The following NYAP2 variants were observed in gnomAD, a reference collection of about 807,000 sequenced individuals.
NYAP2 encodes neuronal tyrosine-phosphorylated phosphoinositide-3-kinase adaptor 2.
In NYAP2, 23 loss-of-function variants were observed where a neutral mutation model predicts 50.4. The ratio of observed to expected loss-of-function variants is 0.46; its 90% CI spans 0.33 to 0.65. The LOEUF is 0.65. Among genes scored for constraint, NYAP2 ranks in the 30% least tolerant of loss-of-function variants. NYAP2 has a pLI of 0.02. For missense variants in NYAP2, 885 were observed against 861.0 expected, an observed-to-expected ratio of 1.03 and a Z score of -0.35; for synonymous variants, 394 against 365.2, an observed-to-expected ratio of 1.08 and a Z score of -0.90.
intron 3 of NYAP2, among the ~76,000 whole-genome samples, chr2:225,499,008 G>A (rs192673457): frequency 6.6e-5 from 10 of 152,240 alleles, no homozygotes; most frequent in Admixed American, 4.6e-4. Context: ...AAATCACGTG[G>A]ACAGGATAGC....
At chr2:225,441,975 A>G (rs1275421771) in intron 3 of NYAP2, among the ~76,000 whole-genome samples, 2 of 152,202 alleles carry the variant, frequency 1.3e-5, no homozygotes, top group East Asian at 3.8e-4. Context: ...TACTATCATC[A>G]TCACCATCCT....
At chr2:225,649,205 G>A (rs1693689876) in intron 6 of NYAP2, among the ~76,000 whole-genome samples, 1 of 152,140 alleles carries the variant, frequency 6.6e-6, no homozygotes, top group Admixed American at 6.5e-5. Flanking sequence ...CAGTTTATCT[G>A]TTTACTTAGC....
At chr2:225,679,014 T>C in the NYAP2 span, among the ~76,000 whole-genome samples, 1 of 152,122 alleles carries the variant, frequency 6.6e-6, no homozygotes, top group Non-Finnish European at 1.5e-5. Context: ...TGTTCAATCC[T>C]CAAAGGACAA....
intron 3 of NYAP2, among the ~76,000 whole-genome samples, chr2:225,478,779 A>G (rs755557691): frequency 1.1e-4 from 17 of 152,240 alleles, no homozygotes; most frequent in African/African-American, 9.6e-5. Flanking sequence ...AGGGTGGTGA[A>G]GAAAAGCAGG....
At chr2:225,406,978 T>C (rs1016262771) in intron 2 of NYAP2, among the ~76,000 whole-genome samples, 1 of 152,038 alleles carries the variant, frequency 6.6e-6, no homozygotes, top group Non-Finnish European at 1.5e-5. Flanking sequence ...TTGGGAAATA[T>C]ACAATTTTGC....
chr2:225,631,215 C>T (rs1693308271), intron 6 of NYAP2, among the ~76,000 whole-genome samples: 1 of 152,186 alleles, frequency 6.6e-6, no homozygotes, highest in Non-Finnish European at 1.5e-5. Flanking sequence ...AGTGTCTTTA[C>T]ACTTTGATAT....
intron 6 of NYAP2, among the ~76,000 whole-genome samples, chr2:225,629,606 C>G (rs1323269214): frequency 6.6e-6 from 1 of 152,134 alleles, no homozygotes; most frequent in Admixed American, 6.5e-5. Context: ...CTGAGAAGTT[C>G]AAGAAGCATG....
chr2:225,508,103 A>G (rs1690743432), intron 3 of NYAP2, among the ~76,000 whole-genome samples: 1 of 152,252 alleles, frequency 6.6e-6, no homozygotes, highest in African/African-American at 2.4e-5. Flanking sequence ...ACAGACAAGT[A>G]GATCTCACAA....
chr2:225,539,072 A>G (rs1691409883), intron 4 of NYAP2, among the ~76,000 whole-genome samples: 3 of 151,884 alleles, frequency 2.0e-5, no homozygotes, highest in Non-Finnish European at 2.9e-5. Flanking sequence ...TTCAATTCCC[A>G]CTTATGAGTG....
intron 4 of NYAP2, among the ~76,000 whole-genome samples, chr2:225,557,847 T>A (rs984557505): frequency 3.9e-5 from 6 of 152,326 alleles, no homozygotes; most frequent in African/African-American, 1.4e-4. Context: ...ATGTGCCCAG[T>A]TATTTTAAAG....
the NYAP2 span, among the ~76,000 whole-genome samples, chr2:225,681,400 TGAC>T: frequency 6.6e-6 from 1 of 152,198 alleles, no homozygotes; most frequent in African/African-American, 2.4e-5. Context: ...GCATAAATCC[TGAC>T]AACAGCAATG....
At chr2:225,448,432 C>A (rs964410654) in intron 3 of NYAP2, among the ~76,000 whole-genome samples, 5 of 152,178 alleles carry the variant, frequency 3.3e-5, no homozygotes, top group African/African-American at 1.2e-4. Flanking sequence ...ATTATTGAAG[C>A]AGCTACCTCT....
intron 4 of NYAP2, among the ~76,000 whole-genome samples, chr2:225,567,678 G>C (rs1409658872): frequency 3.9e-5 from 6 of 152,036 alleles, no homozygotes; most frequent in African/African-American, 1.4e-4. Flanking sequence ...GTTTGAGCTG[G>C]ACCTGAAAGG....
At chr2:225,524,814 G>GA (rs1361612016) in intron 4 of NYAP2, among the ~76,000 whole-genome samples, 1 of 151,934 alleles carries the variant, frequency 6.6e-6, no homozygotes, top group Non-Finnish European at 1.5e-5. Context: ...AGAAACTGTA[G>GA]AAAAAACATT....
chr2:225,481,489 A>C (rs1484590394), intron 3 of NYAP2, among the ~76,000 whole-genome samples: 8 of 152,044 alleles, frequency 5.3e-5, no homozygotes, highest in African/African-American at 1.9e-4. Context: ...TTACTTATTC[A>C]CTTTTTGACC....
At chr2:225,602,302 A>G (rs1175333747) in intron 5 of NYAP2, among the ~76,000 whole-genome samples, 5 of 152,212 alleles carry the variant, frequency 3.3e-5, no homozygotes, top group Non-Finnish European at 7.3e-5. Context: ...ACGGAGAGGT[A>G]GGCATATGTA....
intron 3 of NYAP2, among the ~76,000 whole-genome samples, chr2:225,456,210 C>T (rs1689736382): frequency 6.6e-6 from 1 of 152,196 alleles, no homozygotes; most frequent in African/African-American, 2.4e-5. Context: ...CCAGAAATGG[C>T]CCAGTGAATT....
chr2:225,682,959 C>T, the NYAP2 span, among the ~76,000 whole-genome samples: 1 of 152,072 alleles, frequency 6.6e-6, no homozygotes, highest in Non-Finnish European at 1.5e-5. Flanking sequence ...AGATAAATGA[C>T]ATGAGGAAAG....
chr2:225,603,673 G>T (rs551493182), intron 5 of NYAP2, among the ~76,000 whole-genome samples: 2 of 152,072 alleles, frequency 1.3e-5, no homozygotes, highest in South Asian at 2.1e-4. Flanking sequence ...ATTTTTTTGG[G>T]TTCTGAACCT....
Sources: gnomAD v4.1 joint callset for allele counts (sites outside exome capture counted in the v4.1 genomes callset) on GRCh38, gnomAD v4.1.1 for gene constraint, MANE v1.5 for transcripts, NCBI Gene and HGNC (gene_info 2026-07-23, HGNC 2026-07-21) for gene names.